SPATC1: variants seen among roughly 807,000 people sequenced by gnomAD.
The protein encoded by SPATC1 is speriolin.
In SPATC1, 35 loss-of-function variants were observed where a neutral mutation model predicts 36.5. The observed-to-expected ratio is 0.96, with a 90% CI of 0.73 to 1.27. The LOEUF (loss-of-function observed/expected upper bound fraction) is 1.27, where lower values mean the gene tolerates loss of function less well. Among genes scored for constraint, SPATC1 ranks in the 50% most tolerant of loss-of-function variants. SPATC1 has a pLI of 0.00. For synonymous variants in SPATC1, 361 were observed against 353.6 expected (o/e 1.02, Z -0.24); for missense variants, 779 against 796.0 (o/e 0.98, Z 0.26).
At chr8:144,042,352 T>G (rs1431137003) in intron 4 of SPATC1, among the ~76,000 whole-genome samples, 1 of 136,542 alleles carries the variant, frequency 7.3e-6, no homozygotes, top group African/African-American at 2.8e-5. Context: ...GGTGTTTTGC[T>G]CTTGTCGCCC....
chr8:144,043,302 T>A (rs1421664966), intron 4 of SPATC1, among the ~76,000 whole-genome samples: 1 of 147,704 alleles, frequency 6.8e-6, no homozygotes, highest in Non-Finnish European at 1.5e-5. Flanking sequence ...GCCTTACATT[T>A]TTTTTTTTTT....
rs782452433 is a variant in SPATC1, at chr8:144,039,916, C to T, written c.219C>T (p.Phe73=). The change falls in exon 2 of 5, where the codon TTC becomes TTT. Residue 73 remains phenylalanine, a synonymous_variant. Coordinates refer to ENST00000377470, the MANE Select transcript of SPATC1 (RefSeq NM_198572.3). ...GLSSRQNNGV[F]LPPSPAVANE... ...CTTTCTCTGTGTTCCCAGGTGTCTT[C>T]CTGCCCCCGTCCCCAGCAGTGGCAA... The T allele has an allele frequency of 4.3e-6, 7 of 1,612,552 alleles. No homozygotes were observed. The highest frequency in any genetic ancestry group is 1.3e-5 in the African/African-American group (1 of 74,926).
intron 1 of SPATC1, among the ~76,000 whole-genome samples, chr8:144,030,783 T>C (rs1003941319): frequency 6.6e-6 from 1 of 152,198 alleles, no homozygotes; most frequent in South Asian, 2.1e-4. Context: ...TTTTTTCCTG[T>C]ACATTTTAAA....
At chr8:144,024,060 CTCAGGA>C (rs1834618094) in intron 1 of SPATC1, among the ~76,000 whole-genome samples, 1 of 150,260 alleles carries the variant, frequency 6.7e-6, no homozygotes. Flanking sequence ...ACCACCTTCC[CTCAGGA>C]CCCTCTTCTC....
At chr8:144,021,297 G>T (rs1834527665) in intron 1 of SPATC1, among the ~76,000 whole-genome samples, 10 of 150,126 alleles carry the variant, frequency 6.7e-5, no homozygotes, top group East Asian at 3.9e-4. Context: ...TCTCCCCTCA[G>T]GACCCTCTTC....
rs1441693498 is a variant in SPATC1, at chr8:144,031,457, T to TC, written c.212-8452_212-8451insC. ...CTATCAAGATTTTTTTTTCTTTTTT[T>TC]TTTTTTTTTTTTAGAGAGATAGGGT... On this transcript the variant is annotated intron_variant, in intron 1 of 4. Transcript: ENST00000377470. Among the ~76,000 whole-genome samples, 4 of 147,854 alleles carry TC rather than the reference T, an allele frequency of 2.7e-5. No individual in the cohort carries two copies. The Admixed American group carries it at 2.7e-4, about 10-fold the overall frequency.
Position 144,046,879 on chromosome 8 carries a change from C to T in SPATC1, c.1699C>T (p.Leu567Phe), listed in dbSNP as rs1554756900. Residue 567 changes from leucine (L) to phenylalanine (F), a missense_variant, in exon 5 of 5, where the codon CTC becomes TTC. By Grantham distance (22) the Leu-to-Phe change is conservative (BLOSUM62 0). Coordinates refer to ENST00000377470, the MANE Select transcript of SPATC1 (RefSeq NM_198572.3). The surrounding 1 kb of genome is among the most constrained non-coding windows in gnomAD (Gnocchi z 6.6). ...VVVETVHPGM[L>F]ADALLLLSCL... ...GGTGGAGACCGTGCACCCCGGCATGCTCGCCGACGCGCTGCTGCTGCTCTC... is the reference window on the plus strand; with the variant it reads ...GGTGGAGACCGTGCACCCCGGCATGTTCGCCGACGCGCTGCTGCTGCTCTC... 1 of 1,600,078 alleles carries T rather than the reference C, an allele frequency of 6.2e-7. No homozygotes were observed. The highest frequency in any genetic ancestry group is 1.1e-5 in the South Asian group (1 of 91,066).
In SPATC1 at chr8:144,045,409, G is replaced by A. The variant is rs557237966; in HGVS notation, c.1447-1218G>A. On this transcript the variant is annotated intron_variant, in intron 4 of 4. Transcript: ENST00000377470. This position sits in a 1 kb window ranked among gnomAD's most constrained non-coding sequence, Gnocchi z 5.2. ...GGTCCTGAGTCCAGCCCCAAGACTGGTACCCTGCGCCTGGAGCCTTCCCCG... is the reference window on the plus strand; with the variant it reads ...GGTCCTGAGTCCAGCCCCAAGACTGATACCCTGCGCCTGGAGCCTTCCCCG... Among the ~76,000 whole-genome samples, 19 of 152,340 alleles carry A rather than the reference G, an allele frequency of 1.2e-4. No individual in the cohort carries two copies. The highest frequency in any genetic ancestry group is 1.1e-3 in the Admixed American group (17 of 15,298).
At chr8:144,015,923 C>T (rs1834380092) in intron 1 of SPATC1, among the ~76,000 whole-genome samples, 1 of 149,814 alleles carries the variant, frequency 6.7e-6, no homozygotes, top group African/African-American at 2.5e-5. Flanking sequence ...ATTAGCCGGG[C>T]GTGGTGGGGG....
At chr8:144,024,179 C>G (rs1287591184) in intron 1 of SPATC1, among the ~76,000 whole-genome samples, 32 of 151,318 alleles carry the variant, frequency 2.1e-4, no homozygotes, top group Admixed American at 1.9e-3. Context: ...CCCGTTAGGA[C>G]CCTCTCCCTT....
At chr8:144,043,186 G>A (rs1835162973) in intron 4 of SPATC1, among the ~76,000 whole-genome samples, 1 of 151,598 alleles carries the variant, frequency 6.6e-6, no homozygotes, top group Non-Finnish European at 1.5e-5. Context: ...GTAGAGATGG[G>A]GTTTTGCCAT....
chr8:144,034,414 T>C (rs1314973704), intron 1 of SPATC1, among the ~76,000 whole-genome samples: 1 of 152,082 alleles, frequency 6.6e-6, no homozygotes, highest in Non-Finnish European at 1.5e-5. Flanking sequence ...GCATTTTTTT[T>C]TTTTTTTAGA....
chr8:144,042,299 ATATATATATATATTT>A (rs1835127323), intron 4 of SPATC1, among the ~76,000 whole-genome samples: 1 of 54,754 alleles, frequency 1.8e-5, no homozygotes, highest in African/African-American at 1.1e-4. Flanking sequence ...ATATATATAT[ATATATATATATATTT>A]TTTTTTTTTT....
intron 1 of SPATC1, 61 bp downstream of exon 1, chr8:144,012,787 G>C (rs1834306352): frequency 1.3e-6 from 2 of 1,525,876 alleles, no homozygotes; most frequent in Non-Finnish European, 1.8e-6. Context: ...AGAGAGGAGA[G>C]ACTCAGTGTG....
intron 1 of SPATC1, among the ~76,000 whole-genome samples, chr8:144,032,033 A>AT (rs1191283553): frequency 3.0e-4 from 44 of 148,814 alleles, no homozygotes; most frequent in East Asian, 1.0e-3. Context: ...TTCTACAAAT[A>AT]TTTTTTTTTT....
chr8:144,035,849 C>G (rs930778059), intron 1 of SPATC1, among the ~76,000 whole-genome samples: 1 of 152,232 alleles, frequency 6.6e-6, no homozygotes, highest in East Asian at 1.9e-4. Flanking sequence ...CCCCAGTCAT[C>G]CTGGAGATGT....
intron 1 of SPATC1, among the ~76,000 whole-genome samples, chr8:144,037,769 TC>T (rs1587517856): frequency 7.1e-6 from 1 of 140,058 alleles, no homozygotes; most frequent in Non-Finnish European, 1.5e-5. Context: ...CCCTGCCCAA[TC>T]CCCCTCTGCG....
intron 1 of SPATC1, among the ~76,000 whole-genome samples, chr8:144,021,338 T>TCCCTCAGGACCC (rs1834530705): frequency 1.1e-5 from 1 of 93,672 alleles, no homozygotes; most frequent in Non-Finnish European, 2.3e-5. Context: ...ATGACCCAGT[T>TCCCTCAGGACCC]TCTCCCCTGA....
Position 144,040,333 on chromosome 8 carries a change from C to A in SPATC1, c.636C>A (p.Asn212Lys), listed in dbSNP as rs1835038258. 1.2e-6 allele frequency: 2 copies of A among 1,612,766 alleles called. No homozygotes were observed. The highest frequency in any genetic ancestry group is 1.1e-5 in the South Asian group (1 of 91,082). ...STATPPGVSQ[N>K]LLANPMSNLV... ...CCACCCCACCAGGGGTCTCTCAGAA[C>A]CTGCTGGCCAACCCCATGAGCAACC... The change falls in exon 2 of 5, where the codon AAC (asparagine) becomes AAA (lysine). Residue 212 changes from asparagine to lysine, a missense_variant. Physicochemically the swap from Asn to Lys is moderately conservative, Grantham distance 94 (BLOSUM62 0). Transcript: ENST00000377470.
Sources: gnomAD v4.1 joint callset for allele counts (sites outside exome capture counted in the v4.1 genomes callset) on GRCh38, gnomAD v4.1.1 for gene constraint, Gnocchi (gnomAD v3.1) non-coding constraint, MANE v1.5 for transcripts, NCBI Gene and HGNC (gene_info 2026-07-23, HGNC 2026-07-21) for gene names.